The following MDFIC2 variants were observed in gnomAD, a reference collection of about 807,000 sequenced individuals.
MDFIC2 encodes myoD family inhibitor domain-containing protein 2.
At chr3:70,306,250 C>G (rs1702399081) in intron 2 of MDFIC2, among the ~76,000 whole-genome samples, 1 of 152,084 alleles carries the variant, frequency 6.6e-6, no homozygotes, top group East Asian at 1.9e-4. Flanking sequence ...ATTACAGGCA[C>G]TCGCCACCAC....
At chr3:70,300,643 C>T (rs1277731936) in intron 2 of MDFIC2, among the ~76,000 whole-genome samples, 1 of 151,982 alleles carries the variant, frequency 6.6e-6, no homozygotes, top group Non-Finnish European at 1.5e-5. Flanking sequence ...AGTTATTTCT[C>T]CCAGTTGTAT....
intron 3 of MDFIC2, among the ~76,000 whole-genome samples, chr3:70,199,696 A>G (rs1196648590): frequency 1.3e-5 from 2 of 152,190 alleles, no homozygotes; most frequent in Non-Finnish European, 2.9e-5. Context: ...GAAAATTTGC[A>G]ACTGTTTGAA....
At chr3:70,228,566 T>C (rs1701529822) in intron 2 of MDFIC2, among the ~76,000 whole-genome samples, 1 of 152,046 alleles carries the variant, frequency 6.6e-6, no homozygotes, top group African/African-American at 2.4e-5. Context: ...CTAGATTAAG[T>C]AAATGAAAGG....
At chr3:70,290,212 T>C (rs1424668095) in intron 2 of MDFIC2, among the ~76,000 whole-genome samples, 2 of 152,200 alleles carry the variant, frequency 1.3e-5, no homozygotes, top group East Asian at 1.9e-4. Context: ...TGGTCTTTGA[T>C]GATGGTGATG....
chr3:70,265,386 G>T (rs967771088), intron 2 of MDFIC2, among the ~76,000 whole-genome samples: 6 of 152,138 alleles, frequency 3.9e-5, no homozygotes, highest in African/African-American at 1.4e-4. Flanking sequence ...TGGAGCAAAG[G>T]TAAAGGAAGA....
chr3:70,285,611 T>C (rs1482861883), intron 2 of MDFIC2, among the ~76,000 whole-genome samples: 1 of 151,566 alleles, frequency 6.6e-6, no homozygotes, highest in African/African-American at 2.4e-5. Context: ...TTTCTAGTTC[T>C]AGATCCCTGA....
intron 3 of MDFIC2, among the ~76,000 whole-genome samples, chr3:70,200,382 G>C (rs1365090517): frequency 1.3e-5 from 2 of 152,068 alleles, no homozygotes; most frequent in Non-Finnish European, 2.9e-5. Context: ...CTGACTTCTG[G>C]ACCTACTTTA....
chr3:70,298,271 C>T (rs1702310513), intron 2 of MDFIC2, among the ~76,000 whole-genome samples: 4 of 152,008 alleles, frequency 2.6e-5, no homozygotes, highest in Admixed American at 2.6e-4. Flanking sequence ...ATTTTTTCCC[C>T]ACACTTTGAT....
chr3:70,262,914 T>C (rs1444784433), intron 2 of MDFIC2, among the ~76,000 whole-genome samples: 2 of 152,222 alleles, frequency 1.3e-5, no homozygotes, highest in African/African-American at 4.8e-5. Context: ...TTGCTTTGGA[T>C]AGTTTCTGTT....
At chr3:70,280,060 G>T (rs1027309790) in intron 2 of MDFIC2, among the ~76,000 whole-genome samples, 6 of 152,160 alleles carry the variant, frequency 3.9e-5, no homozygotes, top group African/African-American at 1.4e-4. Context: ...AAATCAAGGT[G>T]TCAGCAAGGC....
At chr3:70,235,418 G>T (rs555044164) in intron 2 of MDFIC2, among the ~76,000 whole-genome samples, 10 of 152,070 alleles carry the variant, frequency 6.6e-5, no homozygotes, top group Non-Finnish European at 1.5e-4. Flanking sequence ...CCGTCTCCTC[G>T]CAAATTAAAC....
At chr3:70,207,945 T>C (rs558389524) in intron 2 of MDFIC2, among the ~76,000 whole-genome samples, 3 of 152,008 alleles carry the variant, frequency 2.0e-5, no homozygotes, top group East Asian at 1.9e-4. Context: ...GGGCTGTATA[T>C]TGGGGATAGA....
chr3:70,220,734 A>G (rs1701454393), intron 2 of MDFIC2, among the ~76,000 whole-genome samples: 1 of 152,168 alleles, frequency 6.6e-6, no homozygotes, highest in Non-Finnish European at 1.5e-5. Context: ...CAGGCAGTGA[A>G]AATATGGGGA....
Position 70,306,992 on chromosome 3 carries a change from TAGAG to T in MDFIC2, c.88+4890_88+4893del, listed in dbSNP as rs958701994. Among the ~76,000 whole-genome samples, 5 of 151,928 alleles carry T rather than the reference TAGAG, an allele frequency of 3.3e-5. 1 individual carries two copies. ...GTATGTGTGTATATATTTATATATATAGAGAGAGAGACAAATAGAGAGATAGAGA... is the reference window on the plus strand; with the variant it reads ...GTATGTGTGTATATATTTATATATATAGAGAGACAAATAGAGAGATAGAGA... On this transcript the variant is annotated intron_variant, in intron 2 of 3. Transcript: ENST00000567252.
chr3:70,260,622 G>A (rs1701857273), intron 2 of MDFIC2, among the ~76,000 whole-genome samples: 1 of 151,862 alleles, frequency 6.6e-6, no homozygotes, highest in Non-Finnish European at 1.5e-5. Context: ...TTCCCTAGTG[G>A]CTGCATCACT....
intron 3 of MDFIC2, chr3:70,205,446 A>AAT (rs1701280561): frequency 6.6e-6 from 1 of 152,140 alleles, no homozygotes; most frequent in Non-Finnish European, 1.5e-5. Context: ...CCACATACAT[A>AAT]ATATATGATA....
At chr3:70,226,140 T>C (rs971733854) in intron 2 of MDFIC2, among the ~76,000 whole-genome samples, 1 of 152,188 alleles carries the variant, frequency 6.6e-6, no homozygotes, top group African/African-American at 2.4e-5. Flanking sequence ...TAGATAAATT[T>C]GAAGGAGGAC....
intron 2 of MDFIC2, among the ~76,000 whole-genome samples, chr3:70,247,820 T>C (rs1039627047): frequency 3.4e-4 from 51 of 152,108 alleles, no homozygotes; most frequent in Admixed American, 1.8e-3. Context: ...AATAGGGTTA[T>C]GGTCATTAAA....
At chr3:70,277,802 A>G (rs1054625464) in intron 2 of MDFIC2, among the ~76,000 whole-genome samples, 1 of 152,052 alleles carries the variant, frequency 6.6e-6, no homozygotes, top group African/African-American at 2.4e-5. Context: ...CCCATTTTTT[A>G]TACAAATGGT....
Sources: allele counts gnomAD v4.1 joint callset (sites outside exome capture counted in the v4.1 genomes callset), GRCh38; gene constraint gnomAD v4.1.1; transcripts MANE v1.5; gene names NCBI Gene and HGNC (gene_info 2026-07-23, HGNC 2026-07-21).